Variants in LRRN3 observed in about 807,000 individuals in gnomAD.
LRRN3 encodes leucine rich repeat neuronal 3, also known as leucine-rich repeat neuronal protein 3.
In LRRN3, 15 loss-of-function variants were observed where a neutral mutation model predicts 40.1. The observed-to-expected ratio is 0.37, with a 90% confidence interval of 0.25 to 0.58. The LOEUF (loss-of-function observed/expected upper bound fraction) is 0.58. Ranked by LOEUF, LRRN3 falls within the 20% of genes least tolerant of loss-of-function variation. The pLI is 0.72. For synonymous variants in LRRN3, 308 were observed against 297.2 expected (o/e 1.04, Z -0.37); for missense variants, 746 against 837.7 (o/e 0.89, Z 1.35).
At chr7:111,110,278 C>A (rs1586332412) in intron 2 of LRRN3, among the ~76,000 whole-genome samples, 2 of 152,152 alleles carry the variant, frequency 1.3e-5, no homozygotes, top group East Asian at 1.9e-4. Flanking sequence ...TGTTTCTCCA[C>A]ACAATTGATA....
At chr7:111,121,968 T>C (rs888431902) in intron 2 of LRRN3, among the ~76,000 whole-genome samples, 20 of 150,986 alleles carry the variant, frequency 1.3e-4, no homozygotes, top group African/African-American at 4.6e-4. Context: ...CTCAGCAAAC[T>C]ATCGCAAGGA....
At chr7:111,101,689 T>C (rs1194071170) in intron 2 of LRRN3, among the ~76,000 whole-genome samples, 3 of 151,514 alleles carry the variant, frequency 2.0e-5, no homozygotes, top group Non-Finnish European at 4.4e-5. Context: ...GTCTTGTGTC[T>C]TCCCTGAGAA....
intron 2 of LRRN3, among the ~76,000 whole-genome samples, chr7:111,121,207 G>GT (rs560829141): frequency 1.3e-5 from 2 of 152,052 alleles, no homozygotes; most frequent in Non-Finnish European, 2.9e-5. Context: ...GGGGTTGTTT[G>GT]TTTTTTTCTT....
chr7:111,096,346 A>G (rs2129578827), intron 1 of LRRN3, among the ~76,000 whole-genome samples: 1 of 151,950 alleles, frequency 6.6e-6, no homozygotes, highest in East Asian at 1.9e-4. Context: ...GAAGTTAGTA[A>G]TAAATGTTAG....
chr7:111,115,274 T>A (rs1298481469), intron 2 of LRRN3, among the ~76,000 whole-genome samples: 1 of 152,058 alleles, frequency 6.6e-6, no homozygotes, highest in East Asian at 1.9e-4. Flanking sequence ...TAGGAAAAAA[T>A]ATAAGCATCA....
intron 1 of LRRN3, among the ~76,000 whole-genome samples, chr7:111,093,295 A>G (rs1051157065): frequency 2.0e-5 from 3 of 152,200 alleles, no homozygotes; most frequent in African/African-American, 4.8e-5. Flanking sequence ...AAAAAAAACC[A>G]AAATGATTTA....
chr7:111,117,226 A>G (rs1799989212), intron 2 of LRRN3, among the ~76,000 whole-genome samples: 1 of 152,160 alleles, frequency 6.6e-6, no homozygotes, highest in Non-Finnish European at 1.5e-5. Context: ...GTGAGTTTAC[A>G]CACATTCAAT....
Position 111,108,691 on chromosome 7 carries a change from T to TA in LRRN3, c.-359+8737dup, listed in dbSNP as rs931377344. Among the ~76,000 whole-genome samples the TA allele has an allele frequency of 1.1e-4, 17 of 151,976 alleles. No homozygotes were observed. In the South Asian group the frequency reaches 1.2e-3, roughly 11 times the overall value. ...TTACACTTTTGTAATCTCCTGAATT[T>TA]AAAAAAAACATATTTATTTCTGTTT... On this transcript the variant is annotated intron_variant, in intron 2 of 2. Transcript: ENST00000308478.
intron 1 of LRRN3, among the ~76,000 whole-genome samples, chr7:111,094,247 A>G (rs972123771): frequency 1.3e-5 from 2 of 152,138 alleles, no homozygotes; most frequent in Admixed American, 6.6e-5. Flanking sequence ...TTCGTTTTAA[A>G]AAAACACTTA....
chr7:111,111,667 G>T (rs1799220146), intron 2 of LRRN3, among the ~76,000 whole-genome samples: 1 of 151,776 alleles, frequency 6.6e-6, no homozygotes, highest in Non-Finnish European at 1.5e-5. Flanking sequence ...GTCCCCCCCT[G>T]CGTCAATAGT....
At chr7:111,103,161 G>A (rs1011577485) in intron 2 of LRRN3, among the ~76,000 whole-genome samples, 2 of 151,504 alleles carry the variant, frequency 1.3e-5, no homozygotes, top group African/African-American at 4.8e-5. Flanking sequence ...CCTGCAAAAT[G>A]TAACTATATC....
Position 111,122,831 on chromosome 7 carries a change from T to C in LRRN3, c.59T>C (p.Val20Ala), listed in dbSNP as rs1800818115. 1 of 1,613,964 alleles carries C rather than the reference T, an allele frequency of 6.2e-7. No individual in the cohort carries two copies. Among genetic ancestry groups the C allele is most frequent in the African/African-American group, 1.3e-5 (1 of 75,042 alleles). The change falls in exon 3 of 3, where the codon GTA (valine) becomes GCA (alanine). Residue 20 changes from valine to alanine, a missense_variant. Transcript: ENST00000308478. ...CTTGGCCTAGCTATCACTACACTAGTACAAGCTGTAGATAAAAAAGTGGAT... is the reference window on the plus strand; with the variant it reads ...CTTGGCCTAGCTATCACTACACTAGCACAAGCTGTAGATAAAAAAGTGGAT... Reference protein sequence around the residue: ...VLLGLAITTLVQAVDKKVDCP... With the variant: ...VLLGLAITTLAQAVDKKVDCP...
At chr7:111,117,447 T>C (rs1021671837) in intron 2 of LRRN3, among the ~76,000 whole-genome samples, 1 of 152,106 alleles carries the variant, frequency 6.6e-6, no homozygotes, top group Non-Finnish European at 1.5e-5. Flanking sequence ...AAATTTTCTT[T>C]CGGTGTATCA....
intron 2 of LRRN3, among the ~76,000 whole-genome samples, chr7:111,108,157 A>G (rs2129582108): frequency 6.6e-6 from 1 of 151,966 alleles, no homozygotes; most frequent in African/African-American, 2.4e-5. Context: ...AACCTCACAG[A>G]TTGTTGATGT....
chr7:111,094,755 A>G (rs950144086), intron 1 of LRRN3, among the ~76,000 whole-genome samples: 1 of 152,174 alleles, frequency 6.6e-6, no homozygotes, highest in Admixed American at 6.6e-5. Context: ...GTCACTAGTA[A>G]AACATGATAA....
intron 2 of LRRN3, among the ~76,000 whole-genome samples, chr7:111,114,430 A>G (rs1799602958): frequency 6.6e-6 from 1 of 152,190 alleles, no homozygotes; most frequent in Admixed American, 6.5e-5. Flanking sequence ...AGTACATTGT[A>G]TTAAGTTTGC....
chr7:111,121,732 A>G (rs1198090087), intron 2 of LRRN3, among the ~76,000 whole-genome samples: 1 of 152,220 alleles, frequency 6.6e-6, no homozygotes, highest in Non-Finnish European at 1.5e-5. Flanking sequence ...ATTACTGGGT[A>G]TATACCCAAA....
At chr7:111,111,450 C>T (rs1386306186) in intron 2 of LRRN3, among the ~76,000 whole-genome samples, 2 of 151,088 alleles carry the variant, frequency 1.3e-5, no homozygotes, top group Non-Finnish European at 2.9e-5. Flanking sequence ...TTCCCCCGCC[C>T]TTAATTTTAG....
At chr7:111,112,059 T>C (rs1202903330) in intron 2 of LRRN3, among the ~76,000 whole-genome samples, 8 of 149,530 alleles carry the variant, frequency 5.4e-5, no homozygotes, top group Admixed American at 4.7e-4. Context: ...GTGATTCTCC[T>C]GTCTCAGCCT....
Sources: gnomAD v4.1 joint callset for allele counts (sites outside exome capture counted in the v4.1 genomes callset) on GRCh38, gnomAD v4.1.1 for gene constraint, MANE v1.5 for transcripts, NCBI Gene and HGNC (gene_info 2026-07-23, HGNC 2026-07-21) for gene names.